The following RHBDL2 variants were observed in gnomAD, a reference collection of about 807,000 sequenced individuals.
RHBDL2 encodes rhomboid like 2.
In RHBDL2, 26 loss-of-function variants were observed where a neutral mutation model predicts 31.7. The ratio of observed to expected loss-of-function variants is 0.82; its 90% CI spans 0.60 to 1.14. The LOEUF (loss-of-function observed/expected upper bound fraction) is 1.14. Ranked by LOEUF, RHBDL2 falls within the 50% of genes most tolerant of loss-of-function variation. RHBDL2 has a pLI of 0.00. For missense variants in RHBDL2, 336 were observed against 364.4 expected (o/e 0.92, Z 0.63); for synonymous variants, 123 against 127.2 (o/e 0.97, Z 0.22).
At chr1:38,924,787 T>TTC (rs1643355759) in intron 1 of RHBDL2, among the ~76,000 whole-genome samples, 1 of 150,130 alleles carries the variant, frequency 6.7e-6, no homozygotes, top group Non-Finnish European at 1.5e-5. Context: ...TTTTTCTTTT[T>TTC]TTTTTTTTTT....
At chr1:38,893,734 G>T (rs1335649972) in intron 5 of RHBDL2, among the ~76,000 whole-genome samples, 2 of 151,436 alleles carry the variant, frequency 1.3e-5, no homozygotes, top group Admixed American at 6.6e-5. Context: ...TCTTGGGGGG[G>T]TTCTGTGAGG....
intron 1 of RHBDL2, among the ~76,000 whole-genome samples, chr1:38,924,430 T>A (rs1643349971): frequency 6.6e-6 from 1 of 151,836 alleles, no homozygotes; most frequent in Admixed American, 6.6e-5. Flanking sequence ...CCATCTCCAC[T>A]AAAAATACAA....
chr1:38,892,436 C>T (rs996669112), intron 6 of RHBDL2, among the ~76,000 whole-genome samples: 2 of 152,152 alleles, frequency 1.3e-5, no homozygotes, highest in African/African-American at 4.8e-5. Context: ...GCTCTATTCT[C>T]TTGGCTTCCC....
intron 7 of RHBDL2, among the ~76,000 whole-genome samples, chr1:38,887,576 C>T (rs945833775): frequency 6.6e-6 from 1 of 152,160 alleles, no homozygotes; most frequent in Admixed American, 6.6e-5. Flanking sequence ...AGGTGACTGC[C>T]ACCACGCCCA....
intron 1 of RHBDL2, among the ~76,000 whole-genome samples, chr1:38,932,888 C>T (rs147344086): frequency 6.6e-6 from 1 of 152,276 alleles, no homozygotes; most frequent in Non-Finnish European, 1.5e-5. Flanking sequence ...CATTGTTCAT[C>T]TTTGTATTCT....
intron 4 of RHBDL2, among the ~76,000 whole-genome samples, chr1:38,897,349 C>A (rs1642931595): frequency 6.6e-6 from 1 of 152,114 alleles, no homozygotes. Context: ...ATCTGCCCAC[C>A]TCGGCCTCCC....
Position 38,915,688 on chromosome 1 carries a change from G to T in RHBDL2, c.269C>A (p.Ala90Asp), listed in dbSNP as rs768898183. 2 of 1,613,948 alleles carry T rather than the reference G, an allele frequency of 1.2e-6. No homozygotes were observed. The highest frequency in any genetic ancestry group is 1.7e-6 in the Non-Finnish European group (2 of 1,180,022). The change falls in exon 3 of 8, where the codon GCT becomes GAT. Residue 90 changes from alanine to aspartate, a missense_variant. Ala to Asp is a moderately radical substitution (Grantham distance 126, BLOSUM62 -2). Coordinates refer to ENST00000372990, the MANE Select transcript of RHBDL2 (RefSeq NM_017821.5). ...LAELAVFIYY[A>D]VWKPQKQWIT... ...CCACTGTTTCTGAGGCTTCCACACA[G>T]CATAGTAAATAAACACTGCCAGCTG...
At chr1:38,921,619 A>G (rs998015521) in intron 1 of RHBDL2, among the ~76,000 whole-genome samples, 2 of 152,178 alleles carry the variant, frequency 1.3e-5, no homozygotes, top group African/African-American at 4.8e-5. Flanking sequence ...TATTCAATAA[A>G]TTGAGGAAGA....
intron 4 of RHBDL2, 78 bp from the exon 5 acceptor site, chr1:38,896,147 A>T: frequency 9.0e-7 from 1 of 1,114,044 alleles, no homozygotes; most frequent in Non-Finnish European, 1.3e-6. Flanking sequence ...TAAGGTAGAC[A>T]TTTGGGAAGT....
intron 1 of RHBDL2, chr1:38,929,459 T>C (rs750679607): frequency 4.7e-5 from 61 of 1,289,354 alleles, no homozygotes; most frequent in Middle Eastern, 2.1e-4. Context: ...CAACTCCTTT[T>C]CCATGGCAGA....
intron 4 of RHBDL2, among the ~76,000 whole-genome samples, chr1:38,904,015 T>G (rs560550885): frequency 6.6e-6 from 1 of 152,344 alleles, no homozygotes; most frequent in African/African-American, 2.4e-5. Context: ...CAACAAATGA[T>G]GTTAGAACAG....
At chr1:38,888,488 G>A (rs770317719) in intron 6 of RHBDL2, among the ~76,000 whole-genome samples, 1 of 152,172 alleles carries the variant, frequency 6.6e-6, no homozygotes, top group African/African-American at 2.4e-5. Context: ...TTTCCAATAG[G>A]GGTGTCAAGG....
chr1:38,910,770 T>TTG (rs57537123), intron 4 of RHBDL2, among the ~76,000 whole-genome samples: 7,928 of 111,030 alleles, frequency 0.071, 210 homozygotes, highest in Non-Finnish European at 0.11. Context: ...TTTTTTTTTT[T>TTG]TTTGTTTGTT....
At chr1:38,886,757 A>G (rs1570908424) in intron 7 of RHBDL2, 74 bp from the exon 8 acceptor site, 1 of 1,214,396 alleles carries the variant, frequency 8.2e-7, no homozygotes, top group African/African-American at 1.5e-5. Context: ...CATCTCTCTT[A>G]TTCAAACACA....
At chr1:38,907,130 T>C (rs1319480293) in intron 4 of RHBDL2, among the ~76,000 whole-genome samples, 1 of 152,242 alleles carries the variant, frequency 6.6e-6, no homozygotes, top group Admixed American at 6.5e-5. Context: ...TTTATAATGG[T>C]GTAAAAGCAA....
At chr1:38,902,244 C>T (rs1643002123) in intron 4 of RHBDL2, among the ~76,000 whole-genome samples, 2 of 108,382 alleles carry the variant, frequency 1.8e-5, no homozygotes, top group South Asian at 3.1e-4. Flanking sequence ...CTCACTCTGT[C>T]GCCCAGGCTG....
At chr1:38,923,166 A>G (rs9438994) in intron 1 of RHBDL2, among the ~76,000 whole-genome samples, 38,773 of 152,138 alleles carry the variant, frequency 0.25, 7,160 homozygotes, top group African/African-American at 0.52. Flanking sequence ...TGTATGAGGT[A>G]TAAATTAATG....
At chr1:38,928,368 T>C (rs1003773005) in intron 1 of RHBDL2, among the ~76,000 whole-genome samples, 1 of 152,110 alleles carries the variant, frequency 6.6e-6, no homozygotes, top group African/African-American at 2.4e-5. Context: ...GGTCTCAATC[T>C]CCTGACCTCT....
intron 1 of RHBDL2, among the ~76,000 whole-genome samples, chr1:38,932,102 C>T (rs1557624344): frequency 6.6e-6 from 1 of 152,108 alleles, no homozygotes. Flanking sequence ...CACCATATAA[C>T]CTAACACTAC....
Sources: gnomAD v4.1 joint callset for allele counts (sites outside exome capture counted in the v4.1 genomes callset) on GRCh38, gnomAD v4.1.1 for gene constraint, MANE v1.5 for transcripts, NCBI Gene and HGNC (gene_info 2026-07-23, HGNC 2026-07-21) for gene names.